Variants in SLC35B1 observed in about 807,000 individuals in gnomAD.
The protein encoded by SLC35B1 is ATP/ADP exchanger ER.
SLC35B1 carries 27 observed loss-of-function variants against 36.6 expected under a neutral mutation model. The observed-to-expected ratio is 0.74, with a 90% confidence interval of 0.54 to 1.02. The LOEUF is 1.02. SLC35B1 is among the 50% of genes least tolerant of loss of function. The pLI, the probability that SLC35B1 is intolerant of heterozygous loss-of-function variation, is 0.00. For missense variants in SLC35B1, 321 were observed against 383.2 expected, an observed-to-expected ratio of 0.84 and a Z score of 1.35; for synonymous variants, 162 against 152.5, an observed-to-expected ratio of 1.06 and a Z score of -0.46.
chr17:49,706,904 C>T, intron 2 of SLC35B1, 61 bp downstream of exon 2: 1 of 1,195,822 alleles, frequency 8.4e-7, no homozygotes, highest in Non-Finnish European at 1.3e-6. Flanking sequence ...GCTTAATGCC[C>T]AGCATACTGA....
rs953975017 is a variant in SLC35B1 at position 49,704,346 on chromosome 17, C to A, written c.529-120G>T. The A allele has an allele frequency of 1.7e-5, 21 of 1,268,730 alleles. No individual in the cohort carries two copies. The African/African-American group carries it at 3.1e-4, about 19-fold the overall frequency. The allele number at this position is 1,268,730 out of a possible 1,614,324, so 78.6% of individuals were successfully genotyped here. On this transcript the variant is annotated intron_variant, in intron 5 of 8. Transcript: ENST00000240333. ...GCCACTGCCTTTAAAGTCCTCAGAA[C>A]AAAACGTTGCCATTTGGTCACAGGT...
At chr17:49,707,260 CCTA>C (rs2073430682) in intron 1 of SLC35B1, 192 bp from the exon 2 acceptor site, 1 of 1,445,678 alleles carries the variant, frequency 6.9e-7, no homozygotes, top group Non-Finnish European at 9.2e-7. Context: ...GACATCCCAG[CCTA>C]CTGATTCCAA....
At chr17:49,702,698 T>C in intron 8 of SLC35B1, 160 bp downstream of exon 8, 1 of 698,800 alleles carries the variant, frequency 1.4e-6, no homozygotes, top group East Asian at 2.8e-5. Flanking sequence ...GCTGAGATCG[T>C]ACCACTGCAC....
intron 1 of SLC35B1, chr17:49,707,351 G>A: frequency 7.0e-7 from 1 of 1,431,112 alleles, no homozygotes; most frequent in Non-Finnish European, 9.2e-7. Context: ...ACCCCAGGCA[G>A]GAGGAGACGG....
chr17:49,707,498 C>G (rs752941307), intron 1 of SLC35B1: 3 of 1,471,026 alleles, frequency 2.0e-6, no homozygotes, highest in Non-Finnish European at 2.7e-6. Context: ...TAGAACCAAG[C>G]GGGGAAAAAC....
chr17:49,706,025 T>C, intron 3 of SLC35B1, 129 bp from the exon 4 acceptor site: 2 of 1,290,692 alleles, frequency 1.5e-6, no homozygotes, highest in Non-Finnish European at 2.2e-6. Flanking sequence ...AAAGCAGCCC[T>C]ATCATGGCCC....
At chr17:49,705,685 G>A (rs941254926) in intron 4 of SLC35B1, 181 bp downstream of exon 4, 2 of 693,278 alleles carry the variant, frequency 2.9e-6, no homozygotes, top group Admixed American at 2.3e-5. Context: ...AGGATTACCA[G>A]CCTATGAACA....
intron 2 of SLC35B1, 138 bp downstream of exon 2, chr17:49,706,827 C>T: frequency 1.8e-5 from 12 of 650,364 alleles, no homozygotes; most frequent in Non-Finnish European, 3.3e-5. Flanking sequence ...TTACAGACTT[C>T]ACAGAGAGGC....
chr17:49,706,377 A>AAAAAAAAAAAAAAAAAAG, intron 2 of SLC35B1, 43 bp from the exon 3 acceptor site: 1 of 838,184 alleles, frequency 1.2e-6, no homozygotes, highest in Non-Finnish European at 1.6e-6. Context: ...AAAAGAAAAG[A>AAAAAAAAAAAAAAAAAAG]AAAAAAAAAA....
At chr17:49,708,186 A>AC, upstream of SLC35B1, 1 of 639,426 alleles carries the variant, frequency 1.6e-6, no homozygotes, top group Non-Finnish European at 2.8e-6. Context: ...CCAGAGCACC[A>AC]CAGGGTGTCC....
rs768047725 is a variant in SLC35B1, at chr17:49,706,258, C to T, written c.285G>A (p.Leu95=). ...CTGAATTGCTGGAGACCATGGCACCCAGATAGGAGATAGAACAGGCAGCAT... is the reference window on the plus strand; with the variant it reads ...CTGAATTGCTGGAGACCATGGCACCTAGATAGGAGATAGAACAGGCAGCAT... ...WLYAACSISY[L]GAMVSSNSAL... The change falls in exon 3 of 9, where the codon CTG becomes CTA. Residue 95 remains leucine, a synonymous_variant. Coordinates refer to ENST00000240333, the MANE Select transcript of SLC35B1 (RefSeq NM_005827.4). 2 of 1,607,552 alleles carry T rather than the reference C, an allele frequency of 1.2e-6. No homozygotes were observed. The highest frequency in any genetic ancestry group is 2.2e-5 in the South Asian group (2 of 90,704).
chr17:49,707,685 C>T (rs773822104), intron 1 of SLC35B1, 45 bp downstream of exon 1: 2 of 1,593,618 alleles, frequency 1.3e-6, no homozygotes, highest in East Asian at 2.3e-5. Flanking sequence ...GGATCCCTGT[C>T]ACAGGCTGGG....
Position 49,701,251 on chromosome 17 carries a change from G to C in SLC35B1, c.*207C>G. The C allele has an allele frequency of 1.8e-6, 1 of 543,808 alleles. No individual in the cohort carries two copies. Among genetic ancestry groups the C allele is most frequent in the Non-Finnish European group, 3.3e-6 (1 of 302,852 alleles). The allele number at this position is 543,808 out of a possible 1,614,324, so 33.7% of individuals were successfully genotyped here. ...CTCCCTCTTTTATTTACCATAGACT[G>C]CTCCAGGGCATGAAGAACAAAAACC... is the stretch of plus-strand genomic sequence containing the variant. On this transcript the variant is annotated 3_prime_UTR_variant, in exon 9 of 9. Coordinates refer to ENST00000240333, the MANE Select transcript of SLC35B1 (RefSeq NM_005827.4).
rs764959304 is a variant in SLC35B1, at chr17:49,706,348, AAAAAAAAAAAAAAAAAAGAAAAGAAAAG to A, written c.209-42_209-15del. On this transcript the variant is annotated splice_polypyrimidine_tract_variant and intron_variant, in intron 2 of 8. Transcript: ENST00000240333. ...AAAACTGGATCACTGGGAGAAGACAAAAAAAAAAAAAAAAAAAGAAAAGAAAAGAAAAAAAAAAAAAAACAAGAGAAAC... is the reference window on the plus strand; with the variant it reads ...AAAACTGGATCACTGGGAGAAGACAAAAAAAAAAAAAAAAACAAGAGAAAC... The A allele has an allele frequency of 5.0e-5, 14 of 282,102 alleles. No homozygotes were observed. The highest frequency in any genetic ancestry group is 4.3e-4 in the African/African-American group (3 of 6,912). 17.5% of individuals were successfully genotyped at this position (282,102 alleles called of 1,614,324 possible).
At chr17:49,707,158 A>T in intron 1 of SLC35B1, 90 bp from the exon 2 acceptor site, 1 of 1,396,444 alleles carries the variant, frequency 7.2e-7, no homozygotes, top group South Asian at 1.2e-5. Context: ...AAAACTTTAA[A>T]ATTATCTTGC....
intron 1 of SLC35B1, chr17:49,707,377 A>T: frequency 3.5e-6 from 5 of 1,429,596 alleles, no homozygotes; most frequent in Non-Finnish European, 4.6e-6. Flanking sequence ...CGGCTATGGC[A>T]CCAAGGCCGA....
intron 3 of SLC35B1, 82 bp downstream of exon 3, chr17:49,706,122 T>TTTTAAA: frequency 3.2e-6 from 4 of 1,239,680 alleles, no homozygotes; most frequent in Non-Finnish European, 3.3e-6. Context: ...TTTTTTTTTT[T>TTTTAAA]AACTCACAGA....
intron 8 of SLC35B1, 137 bp downstream of exon 8, chr17:49,702,720 TG>T: frequency 1.1e-6 from 1 of 913,706 alleles, no homozygotes; most frequent in Non-Finnish European, 1.6e-6. Flanking sequence ...CACTCCAGCC[TG>T]GGCAACAAGA....
chr17:49,702,681 T>C (rs550558669), intron 8 of SLC35B1, 177 bp downstream of exon 8: 15 of 594,582 alleles, frequency 2.5e-5, no homozygotes, highest in East Asian at 1.2e-4. Context: ...GCTCACCCGA[T>C]TGGTGAGCTG....
Sources: gnomAD v4.1 joint callset for allele counts on GRCh38, gnomAD v4.1.1 for gene constraint, MANE v1.5 for transcripts, NCBI Gene and HGNC (gene_info 2026-07-23, HGNC 2026-07-21) for gene names.